Variants in MYO10 observed in about 807,000 individuals in gnomAD.
The protein encoded by MYO10 is myosin X.
Under a neutral mutation model 257.3 loss-of-function variants are expected in MYO10, and 133 were observed. That is an observed-to-expected ratio of 0.52 (90% CI 0.45 to 0.60). MYO10 has a LOEUF of 0.60. Among genes scored for constraint, MYO10 ranks in the 20% least tolerant of loss-of-function variants. The pLI is 0.00. For synonymous variants in MYO10, 1,104 were observed against 1,028.6 expected (o/e 1.07, Z -1.40); for missense variants, 2,399 against 2,635.7 (o/e 0.91, Z 1.97).
At chr5:16,859,574 C>G (rs1353848275) in intron 2 of MYO10, among the ~76,000 whole-genome samples, 1 of 151,830 alleles carries the variant, frequency 6.6e-6, no homozygotes, top group Non-Finnish European at 1.5e-5. Context: ...AGTGAGATCC[C>G]ATCTCTACAA....
intron 1 of MYO10, among the ~76,000 whole-genome samples, chr5:16,897,825 G>A (rs1250086286): frequency 6.6e-6 from 1 of 152,220 alleles, no homozygotes; most frequent in Non-Finnish European, 1.5e-5. Flanking sequence ...AAATGCAAGA[G>A]TATCCTAGAA....
intron 21 of MYO10, among the ~76,000 whole-genome samples, chr5:16,708,644 C>G (rs1738455167): frequency 6.6e-6 from 1 of 152,150 alleles, no homozygotes; most frequent in African/African-American, 2.4e-5. Context: ...TCACTGCAGT[C>G]TTGACCTCCT....
intron 1 of MYO10, among the ~76,000 whole-genome samples, chr5:16,878,192 C>T (rs139564035): frequency 6.6e-6 from 1 of 152,274 alleles, no homozygotes; most frequent in Non-Finnish European, 1.5e-5. Context: ...ACTAATGGCT[C>T]CCATTCTCTT....
At position 16,758,241 on chromosome 5, in the gene MYO10, A is replaced by G; in HGVS notation, c.1740-15T>C. The stretch of plus-strand genomic sequence containing the variant: ...TAAAGTCAAATCTGTGTGAGGCAAG[A>G]GCAGGAGGTCAGTGAGGCACACACA... On this transcript the variant is annotated splice_polypyrimidine_tract_variant and intron_variant, in intron 17 of 40. Transcript: ENST00000513610. The G allele has an allele frequency of 3.2e-6, 5 of 1,558,832 alleles. No homozygotes were observed. The highest frequency in any genetic ancestry group is 3.5e-6 in the Non-Finnish European group (4 of 1,129,906).
intron 1 of MYO10, among the ~76,000 whole-genome samples, chr5:16,909,920 G>C (rs951673829): frequency 6.6e-6 from 1 of 152,064 alleles, no homozygotes; most frequent in Non-Finnish European, 1.5e-5. Flanking sequence ...CTCTCTCACC[G>C]TGTGATCTGC....
At chr5:16,805,356 G>A (rs1318392000) in intron 3 of MYO10, among the ~76,000 whole-genome samples, 1 of 151,358 alleles carries the variant, frequency 6.6e-6, no homozygotes, top group Non-Finnish European at 1.5e-5. Context: ...CAGCTACTCG[G>A]GAGGCTGAGG....
At chr5:16,698,796 TG>T (rs1392834890) in intron 26 of MYO10, among the ~76,000 whole-genome samples, 12 of 150,210 alleles carry the variant, frequency 8.0e-5, no homozygotes, top group Non-Finnish European at 1.5e-4. Flanking sequence ...GCTAATTTTT[TG>T]TATTTTTAGT....
intron 19 of MYO10, chr5:16,738,356 G>A (rs1367610823): frequency 3.0e-6 from 3 of 985,290 alleles, no homozygotes; most frequent in Non-Finnish European, 3.6e-6. Context: ...TGTGCTGGCT[G>A]GGAAGCTTCC....
intron 19 of MYO10, 106 bp downstream of exon 19, chr5:16,754,722 C>A: frequency 1.5e-6 from 1 of 660,850 alleles, no homozygotes. Context: ...CCATTTCCAA[C>A]CATCTACAAT....
chr5:16,902,545 C>A (rs1448079263), intron 1 of MYO10: 2 of 1,582,564 alleles, frequency 1.3e-6, no homozygotes, highest in South Asian at 2.2e-5. Flanking sequence ...ATGGCCTTGT[C>A]CTTGGGCACG....
intron 1 of MYO10, among the ~76,000 whole-genome samples, chr5:16,935,418 G>A (rs1746407391): frequency 6.6e-6 from 1 of 152,126 alleles, no homozygotes. Flanking sequence ...GCAGGTCCCC[G>A]CTGAACATTT....
Position 16,818,087 on chromosome 5 carries a change from G to A in MYO10, c.201C>T (p.Asp67=). 1.2e-6 allele frequency: 2 copies of A among 1,611,936 alleles called. No individual in the cohort carries two copies. The highest frequency in any genetic ancestry group is 1.1e-5 in the South Asian group (1 of 90,594). The change falls in exon 3 of 41, where the codon GAC becomes GAT. Residue 67 remains aspartate, a synonymous_variant. Transcript: ENST00000513610. ...MHPTNEEGVD[D]MASLTELHGG... ...CATGGAGCTCTGTCAAGGACGCCAT[G>A]TCATCCACGCCCTCCTCGTTCGTGG...
chr5:16,935,799 A>G lies in MYO10; in HGVS notation c.10T>C (p.Phe4Leu). The part of the protein sequence containing the change: MDN[F>L]FTEGTRVWLR... ...GGGAGCGCACTTACCTCGGTGAAGA[A>G]GTTATCCATTGTTCCAGCGCAGTCC... The change falls in exon 1 of 41, where the codon TTC (phenylalanine) becomes CTC (leucine). Residue 4 changes from phenylalanine to leucine, a missense_variant. Phe to Leu is a conservative substitution (Grantham distance 22). Coordinates refer to ENST00000513610, the MANE Select transcript of MYO10 (RefSeq NM_012334.3). 1 of 1,613,280 alleles carries G rather than the reference A, an allele frequency of 6.2e-7. No homozygotes were observed. The highest frequency in any genetic ancestry group is 1.3e-5 in the African/African-American group (1 of 75,006).
chr5:16,703,328 G>A (rs150906731), intron 22 of MYO10, among the ~76,000 whole-genome samples, 170 bp from the exon 23 acceptor site: 2,391 of 152,202 alleles, frequency 0.016, 51 homozygotes, highest in African/African-American at 0.054. Context: ...AACAAAACAG[G>A]AGAAAAACAA....
intron 18 of MYO10, among the ~76,000 whole-genome samples, chr5:16,757,103 A>G (rs1367162111): frequency 7.2e-6 from 1 of 137,942 alleles, no homozygotes; most frequent in Non-Finnish European, 1.5e-5. Context: ...TGGGTGACAG[A>G]GCGAGACTCT....
intron 1 of MYO10, chr5:16,916,208 A>G (rs1026571535): frequency 1.3e-5 from 6 of 449,044 alleles, no homozygotes; most frequent in Non-Finnish European, 2.7e-5. Context: ...AATGCTCAGC[A>G]AATTATCCAC....
rs1561010061 is a variant in MYO10, at chr5:16,835,501, T to TTG, written c.121-17335_121-17334insCA. 8.9e-4 allele frequency among the ~76,000 whole-genome samples: 130 copies of TTG among 145,254 alleles called. 2 individuals carry two copies. Among genetic ancestry groups the TTG allele is most frequent in the African/African-American group, 2.7e-3 (108 of 39,282 alleles). On this transcript the variant is annotated intron_variant, in intron 2 of 40. Transcript: ENST00000513610. ...AAAGTCATTTTTGGCTGTTTTTTTT[T>TTG]TTTTTTTTTTTTTTGGTGAGATATG...
chr5:16,697,671 C>T (rs1473111325), intron 26 of MYO10, among the ~76,000 whole-genome samples: 1 of 148,152 alleles, frequency 6.7e-6, no homozygotes, highest in South Asian at 2.1e-4. Context: ...GCACTCCAGC[C>T]TGGGCAACAG....
intron 2 of MYO10, among the ~76,000 whole-genome samples, chr5:16,829,283 T>C (rs1452818547): frequency 6.6e-6 from 1 of 152,120 alleles, no homozygotes; most frequent in African/African-American, 2.4e-5. Flanking sequence ...GAAAGGCACA[T>C]AAGTGGTTAG....
Sources: gnomAD v4.1 joint callset for allele counts (sites outside exome capture counted in the v4.1 genomes callset) on GRCh38, gnomAD v4.1.1 for gene constraint, MANE v1.5 for transcripts, NCBI Gene and HGNC (gene_info 2026-07-23, HGNC 2026-07-21) for gene names.